Variants in CHD3 observed in about 807,000 individuals in gnomAD.
CHD3 encodes the protein chromodomain helicase DNA binding protein 3.
In CHD3, 52 loss-of-function variants were observed where a neutral mutation model predicts 248.9. The ratio of observed to expected loss-of-function variants is 0.21; its 90% CI spans 0.17 to 0.26. The LOEUF (loss-of-function observed/expected upper bound fraction) is 0.26. Ranked by LOEUF, CHD3 falls within the 10% of genes least tolerant of loss-of-function variation. The probability of loss-of-function intolerance (pLI) is 1.00; values close to 1 mark genes in which losing one functional copy is unlikely to be tolerated. For synonymous variants in CHD3, 985 were observed against 985.2 expected (o/e 1.00, Z 0.00); for missense variants, 1,482 against 2,605.8 (o/e 0.57, Z 9.39).
In CHD3 at chr17:7,897,939, C is replaced by T. The variant is rs766500385; in HGVS notation, c.1920-32C>T. 6.2e-6 allele frequency: 10 copies of T among 1,600,564 alleles called. No homozygotes were observed. The highest frequency in any genetic ancestry group is 3.5e-5 in the Admixed American group (2 of 57,118). On this transcript the variant is annotated intron_variant, in intron 11 of 39. Transcript: ENST00000330494. This position sits in a 1 kb window ranked among gnomAD's most constrained non-coding sequence, Gnocchi z 4.8. Reference sequence around the variant, plus strand: ...TTTGTGATCTGTGCAATATTTTCCTCCTGCTCCTCCCCATGGCCTCCTGCC... The same window carrying T: ...TTTGTGATCTGTGCAATATTTTCCTTCTGCTCCTCCCCATGGCCTCCTGCC...
In CHD3 at chr17:7,904,159, C is replaced by T. The variant is rs753458057; in HGVS notation, c.3894+168C>T. The T allele has an allele frequency of 4.9e-5, 34 of 688,148 alleles. No homozygotes were observed. The highest frequency in any genetic ancestry group is 1.9e-5 in the South Asian group (1 of 52,816). 42.6% of individuals were successfully genotyped at this position (688,148 alleles called of 1,614,324 possible). A position where few individuals can be genotyped will look rare whatever the true frequency, so the allele number is the denominator to read the frequency against. Reference sequence around the variant, plus strand: ...ACTGGACTTCAGAGAGAAACGTAGGCACAGACAGTACTGGTAAACACAGAA... The same window carrying T: ...ACTGGACTTCAGAGAGAAACGTAGGTACAGACAGTACTGGTAAACACAGAA... On this transcript the variant is annotated intron_variant, in intron 24 of 39. Transcript: ENST00000330494. The surrounding 1 kb of genome is among the most constrained non-coding windows in gnomAD (Gnocchi z 4.4).
chr17:7,909,082 C>T lies in CHD3; in HGVS notation c.5395-61C>T, dbSNP rs978113742. 31 of 1,545,422 alleles carry T rather than the reference C, an allele frequency of 2.0e-5. No homozygotes were observed. Among genetic ancestry groups the T allele is most frequent in the Non-Finnish European group, 2.7e-5 (31 of 1,144,194 alleles). ...GTGGGTCTCTTGCTATGTCCGCCCC[C>T]CCAGCCCCTCACCCACTGCTGGCAG... On this transcript the variant is annotated intron_variant, in intron 36 of 39. Coordinates refer to ENST00000330494, the MANE Select transcript of CHD3 (RefSeq NM_001005273.3). The surrounding 1 kb of genome is among the most constrained non-coding windows in gnomAD (Gnocchi z 8.1).
At chr17:7,902,456 G>C (rs1485827945) in intron 20 of CHD3, among the ~76,000 whole-genome samples, 154 bp from the exon 21 acceptor site, 2 of 152,022 alleles carry the variant, frequency 1.3e-5, no homozygotes, top group African/African-American at 4.8e-5. Flanking sequence ...TAAGAAAAGA[G>C]AGTGTGACAA....
chr17:7,904,231 G>A lies in CHD3; in HGVS notation c.3895-211G>A, dbSNP rs1970645198. 2 of 623,418 alleles carry A rather than the reference G, an allele frequency of 3.2e-6. No individual in the cohort carries two copies. Among genetic ancestry groups the A allele is most frequent in the South Asian group, 2.0e-5 (1 of 49,748 alleles). 38.6% of individuals were successfully genotyped at this position (623,418 alleles called of 1,614,324 possible). A position where few individuals can be genotyped will look rare whatever the true frequency, so the allele number is the denominator to read the frequency against. On this transcript the variant is annotated intron_variant, in intron 24 of 39. Coordinates refer to ENST00000330494, the MANE Select transcript of CHD3 (RefSeq NM_001005273.3). The surrounding 1 kb of genome is among the most constrained non-coding windows in gnomAD (Gnocchi z 4.4). ...AGGAGAAACACTGTCAGAGGGATTA[G>A]AGGAGAGATTTAGAAAACATGAGGA...
rs1172903722 is a variant in CHD3, at chr17:7,905,702, T to C, written c.4220T>C (p.Ile1407Thr). Residue 1407 changes from isoleucine to threonine, a missense_variant, in exon 27 of 40, where the codon ATT (isoleucine) becomes ACT (threonine). Physicochemically the swap from Ile to Thr is moderately conservative, Grantham distance 89. Coordinates refer to ENST00000330494, the MANE Select transcript of CHD3 (RefSeq NM_001005273.3). This position sits in a 1 kb window ranked among gnomAD's most constrained non-coding sequence, Gnocchi z 5.8. The part of the protein sequence containing the change: ...PPLLARVGGN[I>T]EVLGFNTRQR... ...CTGCTGGCCCGAGTCGGGGGCAACATTGAGGTGAGAGCTGGGCCCAGTGTT... is the reference window on the plus strand; with the variant it reads ...CTGCTGGCCCGAGTCGGGGGCAACACTGAGGTGAGAGCTGGGCCCAGTGTT... The C allele has an allele frequency of 9.9e-6, 16 of 1,612,436 alleles. No homozygotes were observed. The highest frequency in any genetic ancestry group is 1.3e-5 in the African/African-American group (1 of 74,912).
chr17:7,896,953 C>T (rs1040601445), intron 10 of CHD3, 130 bp from the exon 11 acceptor site: 69 of 751,088 alleles, frequency 9.2e-5, no homozygotes, highest in Non-Finnish European at 1.5e-4. Context: ...GCCACCGTGC[C>T]TGGGCCAATC....
At position 7,894,355 on chromosome 17, in the gene CHD3, C is replaced by T. The variant is rs549285703; in HGVS notation, c.1076-60C>T. ...TGACTTCTCTCTTCAACCCTTCTCC[C>T]TCTCTCTCTCCATCTCCCCCTGCCC... On this transcript the variant is annotated intron_variant, in intron 7 of 39. Transcript: ENST00000330494. 3.7e-5 allele frequency: 58 copies of T among 1,569,020 alleles called. No individual in the cohort carries two copies. In the East Asian group the frequency reaches 1.3e-3, roughly 34 times the overall value.
At position 7,889,562 on chromosome 17, in the gene CHD3, C is replaced by G; in HGVS notation, c.101-102C>G. 1 of 919,174 alleles carries G rather than the reference C, an allele frequency of 1.1e-6. No homozygotes were observed. Among genetic ancestry groups the G allele is most frequent in the Non-Finnish European group, 1.7e-6 (1 of 589,328 alleles). The allele number at this position is 919,174 out of a possible 1,614,324, so 56.9% of individuals were successfully genotyped here. ...GCAGGGCTTGGAGGAGTTAATGCTTCCTAGAGAGTGGGAACTGCCGAGGTG... is the reference window on the plus strand; with the variant it reads ...GCAGGGCTTGGAGGAGTTAATGCTTGCTAGAGAGTGGGAACTGCCGAGGTG... On this transcript the variant is annotated intron_variant, in intron 1 of 39. Transcript: ENST00000330494. This position sits in a 1 kb window ranked among gnomAD's most constrained non-coding sequence, Gnocchi z 4.5.
In CHD3 at chr17:7,900,507, A is replaced by T. The variant is rs766963521; in HGVS notation, c.2805-51A>T. The T allele has an allele frequency of 2.9e-5, 46 of 1,609,384 alleles. No homozygotes were observed. The highest frequency in any genetic ancestry group is 3.7e-5 in the Non-Finnish European group (44 of 1,176,430). On this transcript the variant is annotated intron_variant, in intron 17 of 39. Transcript: ENST00000330494. The surrounding 1 kb of genome is among the most constrained non-coding windows in gnomAD (Gnocchi z 6.5). ...AATCTGAGGTGGTAAGTCTGAGATC[A>T]GGGGCAAGGAACTTGCCGACCTGTT...
chr17:7,906,747 G>C lies in CHD3; in HGVS notation c.4503+50G>C. On this transcript the variant is annotated intron_variant, in intron 29 of 39. Coordinates refer to ENST00000330494, the MANE Select transcript of CHD3 (RefSeq NM_001005273.3). The surrounding 1 kb of genome is among the most constrained non-coding windows in gnomAD (Gnocchi z 5.0). Reference sequence around the variant, plus strand: ...GAATCAAGCTGGCTGCCTAGTCTCTGTCCTTCCTCTGCCTCTGTCCCTGAG... The same window carrying C: ...GAATCAAGCTGGCTGCCTAGTCTCTCTCCTTCCTCTGCCTCTGTCCCTGAG... 2 of 1,584,630 alleles carry C rather than the reference G, an allele frequency of 1.3e-6. No homozygotes were observed. Among genetic ancestry groups the C allele is most frequent in the Non-Finnish European group, 1.7e-6 (2 of 1,164,242 alleles).
chr17:7,906,583 G>A lies in CHD3; in HGVS notation c.4389G>A (p.Leu1463=), dbSNP rs568783199. 1 of 1,613,970 alleles carries A rather than the reference G, an allele frequency of 6.2e-7. No homozygotes were observed. The highest frequency in any genetic ancestry group is 1.1e-5 in the South Asian group (1 of 91,080). The part of the protein sequence containing the change: ...KAYVSLFMRH[L]CEPGADGSET... ...ATGTGTCTTTGTTCATGCGCCATCT[G>A]TGTGAGCCTGGGGCAGACGGCTCTG... Residue 1463 remains leucine, a synonymous_variant, in exon 29 of 40, where the codon CTG becomes CTA. Transcript: ENST00000330494. This position sits in a 1 kb window ranked among gnomAD's most constrained non-coding sequence, Gnocchi z 5.0.
chr17:7,899,780 G>A lies in CHD3; in HGVS notation c.2545-116G>A. The A allele has an allele frequency of 7.5e-7, 1 of 1,337,476 alleles. No individual in the cohort carries two copies. The highest frequency in any genetic ancestry group is 2.0e-5 in the Admixed American group (1 of 49,584). 82.9% of individuals were successfully genotyped at this position (1,337,476 alleles called of 1,614,324 possible). A position where few individuals can be genotyped will look rare whatever the true frequency, so the allele number is the denominator to read the frequency against. On this transcript the variant is annotated intron_variant, in intron 15 of 39. Coordinates refer to ENST00000330494, the MANE Select transcript of CHD3 (RefSeq NM_001005273.3). The surrounding 1 kb of genome is among the most constrained non-coding windows in gnomAD (Gnocchi z 6.8). Reference sequence around the variant, plus strand: ...AGCCATGGTCTGTAATCCCTGCTTGGAGAACAGAGTAATGGCTCCTGTTGG... The same window carrying A: ...AGCCATGGTCTGTAATCCCTGCTTGAAGAACAGAGTAATGGCTCCTGTTGG...
intron 12 of CHD3, 103 bp downstream of exon 12, chr17:7,898,205 G>C: frequency 7.1e-7 from 1 of 1,412,698 alleles, no homozygotes; most frequent in Non-Finnish European, 9.7e-7. Flanking sequence ...ATTCAACCTG[G>C]AGTTCAGGGC....
rs1310593398 is a variant in CHD3 at position 7,904,138 on chromosome 17, G to T, written c.3894+147G>T. 1 of 793,456 alleles carries T rather than the reference G, an allele frequency of 1.3e-6. No individual in the cohort carries two copies. The highest frequency in any genetic ancestry group is 2.8e-5 in the Admixed American group (1 of 35,672). The allele number at this position is 793,456 out of a possible 1,614,324, so 49.2% of individuals were successfully genotyped here. On this transcript the variant is annotated intron_variant, in intron 24 of 39. Coordinates refer to ENST00000330494, the MANE Select transcript of CHD3 (RefSeq NM_001005273.3). The surrounding 1 kb of genome is among the most constrained non-coding windows in gnomAD (Gnocchi z 4.4). ...CTTCTTCGTCTAATAGGTGAGACTGGACTTCAGAGAGAAACGTAGGCACAG... is the reference window on the plus strand; with the variant it reads ...CTTCTTCGTCTAATAGGTGAGACTGTACTTCAGAGAGAAACGTAGGCACAG...
At position 7,907,651 on chromosome 17, in the gene CHD3, C is replaced by G; in HGVS notation, c.4975C>G (p.Gln1659Glu). 1 of 1,533,378 alleles carries G rather than the reference C, an allele frequency of 6.5e-7. No homozygotes were observed. Among genetic ancestry groups the G allele is most frequent in the Non-Finnish European group, 8.7e-7 (1 of 1,147,110 alleles). 95.0% of individuals were successfully genotyped at this position (1,533,378 alleles called of 1,614,324 possible). The change falls in exon 33 of 40, where the codon CAG (glutamine) becomes GAG (glutamate). Residue 1659 changes from glutamine (Q) to glutamate (E), a missense_variant. Physicochemically the swap from Gln to Glu is conservative, Grantham distance 29. Around this residue, in one of 20 missense-constraint regions of CHD3, gnomAD observed 254 missense variants for 266.7 expected, o/e 0.95. Transcript: ENST00000330494. The surrounding 1 kb of genome is among the most constrained non-coding windows in gnomAD (Gnocchi z 4.3). ...GGGGGAGGAGAAGCCGTTGGATGGA[C>G]AGGAACACAGGGAGAGGCCGGAGGG... Reference protein sequence around the residue: ...ERGEEKPLDGQEHRERPEGET... With the variant: ...ERGEEKPLDGEEHRERPEGET...
rs770093135 is a variant in CHD3, at chr17:7,911,710, C to A, written c.*125C>A. 1.9e-6 allele frequency: 3 copies of A among 1,562,614 alleles called. No individual in the cohort carries two copies. The highest frequency in any genetic ancestry group is 2.6e-6 in the Non-Finnish European group (3 of 1,153,050). Reference sequence around the variant, plus strand: ...TTGGGCCATCACTGGGCTAGGAACCCCTTTGCCCCTCTCTGCAGCTCCTCT... The same window carrying A: ...TTGGGCCATCACTGGGCTAGGAACCACTTTGCCCCTCTCTGCAGCTCCTCT... On this transcript the variant is annotated 3_prime_UTR_variant, in exon 40 of 40. Transcript: ENST00000330494. The surrounding 1 kb of genome is among the most constrained non-coding windows in gnomAD (Gnocchi z 5.4).
chr17:7,898,145 G>A (rs774761554), intron 12 of CHD3, 43 bp downstream of exon 12: 3 of 1,604,980 alleles, frequency 1.9e-6, no homozygotes, highest in Non-Finnish European at 2.6e-6. Flanking sequence ...CTGACGATGA[G>A]GGCATGAAAG....
chr17:7,906,706 C>T lies in CHD3; in HGVS notation c.4503+9C>T. The T allele has an allele frequency of 6.3e-7, 1 of 1,595,886 alleles. No homozygotes were observed. Among genetic ancestry groups the T allele is most frequent in the Non-Finnish European group, 8.5e-7 (1 of 1,169,992 alleles). Reference sequence around the variant, plus strand: ...CTCTCGTCAAAAAGAAGGTATCAGTCTTCCTGTCACCCAAAGAATCAAGCT... The same window carrying T: ...CTCTCGTCAAAAAGAAGGTATCAGTTTTCCTGTCACCCAAAGAATCAAGCT... On this transcript the variant is annotated intron_variant, in intron 29 of 39. Coordinates refer to ENST00000330494, the MANE Select transcript of CHD3 (RefSeq NM_001005273.3). This position sits in a 1 kb window ranked among gnomAD's most constrained non-coding sequence, Gnocchi z 5.0.
At position 7,910,441 on chromosome 17, in the gene CHD3, G is replaced by A; in HGVS notation, c.5604G>A (p.Leu1868=). ...NAVLHKVLNQ[L]EELLSDMKAD... is the part of the protein sequence containing the mutation. ...CCCGGGCCCCAGTTCTGAACCAGCT[G>A]GAGGAGTTGCTGAGCGACATGAAGG... The change falls in exon 38 of 40, where the codon CTG becomes CTA. Residue 1868 remains leucine (L), a synonymous_variant. Transcript: ENST00000330494. The surrounding 1 kb of genome is among the most constrained non-coding windows in gnomAD (Gnocchi z 4.7). 1 of 1,614,010 alleles carries A rather than the reference G, an allele frequency of 6.2e-7. No individual in the cohort carries two copies. Among genetic ancestry groups the A allele is most frequent in the Non-Finnish European group, 8.5e-7 (1 of 1,180,006 alleles).
Sources: gnomAD v4.1 joint callset for allele counts (sites outside exome capture counted in the v4.1 genomes callset) on GRCh38, gnomAD v4.1.1 for gene constraint, gnomAD v4.1.1 regional missense constraint, Gnocchi (gnomAD v3.1) non-coding constraint, MANE v1.5 for transcripts, NCBI Gene and HGNC (gene_info 2026-07-23, HGNC 2026-07-21) for gene names.